The following PREP variants were observed in gnomAD, a reference collection of about 807,000 sequenced individuals.
The protein encoded by PREP is prolyl endopeptidase.
In PREP, 29 loss-of-function variants were observed where a neutral mutation model predicts 87.6. The ratio of observed to expected loss-of-function variants is 0.33; its 90% CI spans 0.25 to 0.45. PREP has a LOEUF of 0.45. PREP is among the 20% of genes least tolerant of loss of function. The probability of loss-of-function intolerance (pLI) is 1.00; values close to 1 mark genes in which losing one functional copy is unlikely to be tolerated. For missense variants in PREP, 695 were observed against 886.5 expected (o/e 0.78, Z 2.74); for synonymous variants, 337 against 328.6 (o/e 1.03, Z -0.28).
At chr6:105,359,399 G>C in intron 6 of PREP, among the ~76,000 whole-genome samples, 1 of 152,204 alleles carries the variant, frequency 6.6e-6, no homozygotes, top group Non-Finnish European at 1.5e-5. Context: ...GGGAAGTGAT[G>C]ACTCCTAAAT....
chr6:105,397,565 A>C (rs1221710413), intron 2 of PREP, among the ~76,000 whole-genome samples: 1 of 152,174 alleles, frequency 6.6e-6, no homozygotes, highest in East Asian at 1.9e-4. Flanking sequence ...TTCTTTTGGC[A>C]AAAATCAGTT....
chr6:105,314,162 T>C (rs1472357370), intron 10 of PREP, among the ~76,000 whole-genome samples: 2 of 152,246 alleles, frequency 1.3e-5, no homozygotes, highest in Non-Finnish European at 2.9e-5. Flanking sequence ...TTTATTGCTA[T>C]AAAATGCTAA....
Position 105,288,760 on chromosome 6 carries a change from G to A in PREP, c.1452C>T (p.Tyr484=), listed in dbSNP as rs143225192. ...CTCTGAGTGCGTTCCGAGCTCACCTGTAGTTGGGTGTGATGGATATGTTGA... is the reference window on the plus strand; with the variant it reads ...CTCTGAGTGCGTTCCGAGCTCACCTATAGTTGGGTGTGATGGATATGTTGA... ...GGFNISITPN[Y]SVSRLIFVRH... The change falls in exon 11 of 15, where the codon TAC becomes TAT. Residue 484 remains tyrosine, a splice_region_variant and synonymous_variant. Coordinates refer to ENST00000652536, the MANE Select transcript of PREP (RefSeq NM_002726.5). The A allele has an allele frequency of 1.7e-4, 278 of 1,613,924 alleles. No homozygotes were observed. Among genetic ancestry groups the A allele is most frequent in the Non-Finnish European group, 2.2e-4 (265 of 1,179,980 alleles).
chr6:105,380,542 C>T (rs1369630572), intron 2 of PREP, among the ~76,000 whole-genome samples: 3 of 152,014 alleles, frequency 2.0e-5, no homozygotes, highest in Non-Finnish European at 2.9e-5. Flanking sequence ...GACAGTGGTT[C>T]GGGTGAGAGA....
Position 105,278,257 on chromosome 6 carries a change from C to T in PREP, c.2020G>A (p.Val674Met), listed in dbSNP as rs200608024. The change falls in exon 15 of 15, where the codon GTG becomes ATG. Residue 674 changes from valine (V) to methionine (M), a missense_variant. Physicochemically the swap from Val to Met is conservative, Grantham distance 21. This residue lies in a region of PREP where 121 missense variants were observed against 154.8 expected (regional missense o/e 0.78). Transcript: ENST00000652536. This position sits in a 1 kb window ranked among gnomAD's most constrained non-coding sequence, Gnocchi z 4.2. ...RKQSNPLLIHVDTKAGHGAGK... is the reference protein window; with the variant it reads ...RKQSNPLLIHMDTKAGHGAGK... ...GCCCCGTGGCCCGCCTTGGTGTCCA[C>T]GTGGATAAGCAGGGGGTTGCTTTGC... 1.4e-5 allele frequency: 22 copies of T among 1,614,074 alleles called. No individual in the cohort carries two copies. The highest frequency in any genetic ancestry group is 1.7e-5 in the Admixed American group (1 of 60,002).
chr6:105,369,834 C>A (rs1004260532), intron 5 of PREP, among the ~76,000 whole-genome samples: 7 of 151,306 alleles, frequency 4.6e-5, no homozygotes, highest in Middle Eastern at 3.2e-3. Flanking sequence ...AACAAACAAA[C>A]AAAAAAACGA....
At chr6:105,364,753 A>G (rs1772342512) in intron 6 of PREP, among the ~76,000 whole-genome samples, 1 of 152,240 alleles carries the variant, frequency 6.6e-6, no homozygotes, top group South Asian at 2.1e-4. Context: ...GACTTGCCCA[A>G]GGCCACAGAC....
chr6:105,401,188 C>T (rs1773420928), intron 1 of PREP, among the ~76,000 whole-genome samples: 1 of 152,160 alleles, frequency 6.6e-6, no homozygotes, highest in African/African-American at 2.4e-5. Flanking sequence ...CATGAAATAT[C>T]AAACATAAAT....
intron 2 of PREP, among the ~76,000 whole-genome samples, chr6:105,392,208 T>G (rs1773169281): frequency 6.6e-6 from 1 of 151,812 alleles, no homozygotes; most frequent in Non-Finnish European, 1.5e-5. Flanking sequence ...TGGGCTAATT[T>G]TATGTATTTT....
At chr6:105,293,598 T>C (rs1441400183) in intron 10 of PREP, among the ~76,000 whole-genome samples, 1 of 131,678 alleles carries the variant, frequency 7.6e-6, no homozygotes, top group Admixed American at 7.2e-5. Context: ...AACCTTCAAT[T>C]TGTAAAAAAA....
chr6:105,286,012 G>T (rs1770183043), intron 11 of PREP, among the ~76,000 whole-genome samples: 2 of 152,226 alleles, frequency 1.3e-5, no homozygotes, highest in Non-Finnish European at 2.9e-5. Flanking sequence ...CTGACCTCAA[G>T]TGATCCGCCT....
chr6:105,303,983 A>T (rs1770600593), intron 10 of PREP, among the ~76,000 whole-genome samples: 1 of 152,246 alleles, frequency 6.6e-6, no homozygotes, highest in African/African-American at 2.4e-5. Flanking sequence ...CCATGTAACA[A>T]GCAAGCACTA....
At chr6:105,370,330 A>C (rs1185876898) in intron 5 of PREP, among the ~76,000 whole-genome samples, 1 of 149,988 alleles carries the variant, frequency 6.7e-6, no homozygotes, top group Non-Finnish European at 1.5e-5. Context: ...AAAAATTCAG[A>C]TATAACTATA....
intron 11 of PREP, among the ~76,000 whole-genome samples, chr6:105,287,311 C>T (rs892812642): frequency 3.3e-5 from 5 of 151,872 alleles, no homozygotes; most frequent in African/African-American, 9.7e-5. Flanking sequence ...TGGTATATGG[C>T]GCTGTCAATA....
At chr6:105,349,815 T>C (rs997108963) in intron 7 of PREP, among the ~76,000 whole-genome samples, 1 of 150,426 alleles carries the variant, frequency 6.6e-6, no homozygotes, top group Admixed American at 6.6e-5. Context: ...AACATTCAAG[T>C]TAACTAGTGC....
intron 5 of PREP, among the ~76,000 whole-genome samples, chr6:105,369,349 G>T (rs1297674280): frequency 6.6e-6 from 1 of 152,214 alleles, no homozygotes; most frequent in Non-Finnish European, 1.5e-5. Flanking sequence ...CATGTTCATG[G>T]ATAGGAAGAC....
intron 2 of PREP, among the ~76,000 whole-genome samples, chr6:105,386,903 A>C (rs1773009761): frequency 6.6e-6 from 1 of 152,162 alleles, no homozygotes; most frequent in African/African-American, 2.4e-5. Context: ...TAGGCACCTA[A>C]ACATGGTGGG....
intron 10 of PREP, among the ~76,000 whole-genome samples, chr6:105,315,679 G>A (rs1770849107): frequency 6.6e-6 from 1 of 152,224 alleles, no homozygotes; most frequent in Non-Finnish European, 1.5e-5. Flanking sequence ...ACAGAAGGCT[G>A]TTCTGCCTAT....
At chr6:105,367,621 G>A (rs1433187192) in intron 6 of PREP, among the ~76,000 whole-genome samples, 2 of 147,402 alleles carry the variant, frequency 1.4e-5, no homozygotes, top group Non-Finnish European at 1.5e-5. Context: ...GCAGTGAGCC[G>A]AGATCCCGCC....
Sources: allele counts gnomAD v4.1 joint callset (sites outside exome capture counted in the v4.1 genomes callset), GRCh38; gene constraint gnomAD v4.1.1; regional missense constraint gnomAD v4.1.1; non-coding constraint Gnocchi (gnomAD v3.1); transcripts MANE v1.5; gene names NCBI Gene and HGNC (gene_info 2026-07-23, HGNC 2026-07-21).